CRISP2: variants seen among roughly 807,000 people sequenced by gnomAD.
CRISP2 encodes the protein cysteine-rich secretory protein 2.
Under a neutral mutation model 31.7 loss-of-function variants are expected in CRISP2, and 29 were observed. That is an observed-to-expected ratio of 0.92 (90% CI 0.68 to 1.25). CRISP2 has a LOEUF of 1.25. CRISP2 is among the 50% of genes most tolerant of loss of function. The pLI is 0.00. For synonymous variants in CRISP2, 111 were observed against 101.4 expected, an observed-to-expected ratio of 1.09 and a Z score of -0.57; for missense variants, 318 against 286.5, an observed-to-expected ratio of 1.11 and a Z score of -0.79.
the CRISP2 span, among the ~76,000 whole-genome samples, chr6:49,682,233 A>G: frequency 3.3e-5 from 5 of 152,178 alleles, no homozygotes; most frequent in East Asian, 9.7e-4. Flanking sequence ...CTTACTTCCC[A>G]GGAATCTCAG....
chr6:49,700,704 T>A lies in CRISP2; in HGVS notation c.147A>T (p.Lys49Asn), dbSNP rs763255523. The change falls in exon 5 of 10, where the codon AAA becomes AAT. Residue 49 changes from lysine to asparagine, a missense_variant. By Grantham distance (94) the Lys-to-Asn change is moderately conservative. Coordinates refer to ENST00000339139, the MANE Select transcript of CRISP2 (RefSeq NM_003296.4). ...TGTTACTGGCAGGTGGAGAGACTGC[T>A]TTCCTTAGTTCATTGTGTTTATTTA... is the stretch of plus-strand genomic sequence containing the variant. The part of the protein sequence containing the change: ...EIVNKHNELR[K>N]AVSPPASNML... The A allele has an allele frequency of 2.5e-6, 4 of 1,612,524 alleles. No homozygotes were observed. Among genetic ancestry groups the A allele is most frequent in the Non-Finnish European group, 3.4e-6 (4 of 1,178,960 alleles).
chr6:49,683,796 G>A, the CRISP2 span, among the ~76,000 whole-genome samples: 1 of 139,194 alleles, frequency 7.2e-6, no homozygotes, highest in Non-Finnish European at 1.5e-5. Flanking sequence ...TGAACTAAAG[G>A]TTTTAAATGT....
chr6:49,690,920 T>C (rs541871769), downstream of CRISP2, among the ~76,000 whole-genome samples: 3 of 151,868 alleles, frequency 2.0e-5, no homozygotes, highest in East Asian at 5.8e-4. Context: ...TAACTCTTAA[T>C]TAGCAATTAA....
At chr6:49,684,395 A>G in the CRISP2 span, among the ~76,000 whole-genome samples, 2 of 152,220 alleles carry the variant, frequency 1.3e-5, no homozygotes, top group Admixed American at 6.5e-5. Context: ...TTCAATACAT[A>G]TGCAACCATC....
chr6:49,708,737 C>A lies in CRISP2; in HGVS notation c.66+394G>T, dbSNP rs537553892. ...AGCTTGTGATAATTTGTTGCAACCA[C>A]CCTAAGAACCTAATATATTATTTAA... On this transcript the variant is annotated intron_variant, in intron 4 of 9. Coordinates refer to ENST00000339139, the MANE Select transcript of CRISP2 (RefSeq NM_003296.4). Among the ~76,000 whole-genome samples the A allele has an allele frequency of 4.6e-5, 7 of 152,226 alleles. No individual in the cohort carries two copies. In the South Asian group the frequency reaches 1.2e-3, roughly 27 times the overall value.
chr6:49,698,520 T>C lies in CRISP2; in HGVS notation c.272-13A>G. 6.3e-7 allele frequency: 1 copy of C among 1,595,342 alleles called. No homozygotes were observed. Among genetic ancestry groups the C allele is most frequent in the Non-Finnish European group, 8.5e-7 (1 of 1,174,770 alleles). ...CCACATCTTGTACCTAAGGGGCAGATCATTCATGAGCAAGGTAATAAACAT... is the reference window on the plus strand; with the variant it reads ...CCACATCTTGTACCTAAGGGGCAGACCATTCATGAGCAAGGTAATAAACAT... On this transcript the variant is annotated splice_polypyrimidine_tract_variant and intron_variant, in intron 6 of 9. Transcript: ENST00000339139.
At chr6:49,688,337 TTAAGA>T (rs1763948860), downstream of CRISP2, among the ~76,000 whole-genome samples, 1 of 152,240 alleles carries the variant, frequency 6.6e-6, no homozygotes, top group East Asian at 1.9e-4. Flanking sequence ...CTAGAAGACT[TTAAGA>T]TAAGGATGTT....
the CRISP2 span, among the ~76,000 whole-genome samples, chr6:49,678,873 A>G: frequency 6.6e-6 from 1 of 152,120 alleles, no homozygotes; most frequent in Non-Finnish European, 1.5e-5. Context: ...TGACTCCTCA[A>G]AATGATCGTA....
the CRISP2 span, among the ~76,000 whole-genome samples, chr6:49,677,266 A>G: frequency 2.0e-5 from 3 of 152,130 alleles, no homozygotes; most frequent in Admixed American, 6.6e-5. Context: ...AAGTTTTTAG[A>G]TATTTTTACT....
chr6:49,712,733 AT>A (rs563997998), intron 1 of CRISP2, 129 bp from the exon 2 acceptor site: 29 of 152,274 alleles, frequency 1.9e-4, no homozygotes, highest in Admixed American at 9.8e-4. Flanking sequence ...AATTTACTGT[AT>A]TTATTTGATT....
rs754228213 is a variant in CRISP2, at chr6:49,692,443, T to C, written c.*330A>G. The C allele has an allele frequency of 5.8e-6, 1 of 173,750 alleles. No homozygotes were observed. Among genetic ancestry groups the C allele is most frequent in the Non-Finnish European group, 1.2e-5 (1 of 82,354 alleles). The allele number at this position is 173,750 out of a possible 1,614,324, so 10.8% of individuals were successfully genotyped here. A position where few individuals can be genotyped will look rare whatever the true frequency, so the allele number is the denominator to read the frequency against. On this transcript the variant is annotated 3_prime_UTR_variant, in exon 10 of 10. Transcript: ENST00000339139. ...GCAATGATGTTACAGTCTTCTTCTT[T>C]AGCATGTTTCAGGAAATACGTAATG...
chr6:49,701,998 A>T (rs1218454362), intron 4 of CRISP2, among the ~76,000 whole-genome samples: 43 of 82,444 alleles, frequency 5.2e-4, no homozygotes, highest in African/African-American at 2.3e-3. Flanking sequence ...ATAATATATT[A>T]TATTATACAT....
At chr6:49,703,036 A>G (rs1452287865) in intron 4 of CRISP2, among the ~76,000 whole-genome samples, 1 of 151,996 alleles carries the variant, frequency 6.6e-6, no homozygotes, top group Non-Finnish European at 1.5e-5. Context: ...TTCTACGTGG[A>G]TCTTGCCAAC....
chr6:49,696,123 AC>A (rs1172195677), intron 8 of CRISP2, among the ~76,000 whole-genome samples, 199 bp from the exon 9 acceptor site: 2 of 152,206 alleles, frequency 1.3e-5, no homozygotes, highest in Non-Finnish European at 2.9e-5. Context: ...TATCTTCTTG[AC>A]CATAATTTCA....
Position 49,692,982 on chromosome 6 carries a change from G to C in CRISP2, c.605-82C>G, listed in dbSNP as rs1218154732. ...CATACATTCAAAGTGTGTGGGGAGGGGGTAGGAGGGAACAAACAAGTTAGC... is the reference window on the plus strand; with the variant it reads ...CATACATTCAAAGTGTGTGGGGAGGCGGTAGGAGGGAACAAACAAGTTAGC... On this transcript the variant is annotated intron_variant, in intron 9 of 9. Transcript: ENST00000339139. 4 of 1,467,114 alleles carry C rather than the reference G, an allele frequency of 2.7e-6. No homozygotes were observed. The South Asian group carries it at 4.9e-5, about 18-fold the overall frequency. The allele number at this position is 1,467,114 out of a possible 1,614,324, so 90.9% of individuals were successfully genotyped here. A position where few individuals can be genotyped will look rare whatever the true frequency, so the allele number is the denominator to read the frequency against.
At chr6:49,697,709 T>C (rs767918879) in intron 8 of CRISP2, 151 bp downstream of exon 8, 8 of 1,525,344 alleles carry the variant, frequency 5.2e-6, no homozygotes, top group Non-Finnish European at 6.2e-6. Flanking sequence ...TCTGAGAAGT[T>C]GAAAGTGTCT....
At chr6:49,682,577 CTTTCTTTCTT>C in the CRISP2 span, among the ~76,000 whole-genome samples, 8,244 of 96,620 alleles carry the variant, frequency 0.085, 382 homozygotes, top group East Asian at 0.15. Context: ...CTTTCTTTTT[CTTTCTTTCTT>C]TTTCTTTCTT....
At chr6:49,691,054 T>C (rs1764036345), downstream of CRISP2, among the ~76,000 whole-genome samples, 1 of 152,028 alleles carries the variant, frequency 6.6e-6, no homozygotes, top group Non-Finnish European at 1.5e-5. Context: ...ATAAAGGTTA[T>C]TTTTTAGTCA....
downstream of CRISP2, among the ~76,000 whole-genome samples, chr6:49,691,380 T>A (rs1173586231): frequency 6.6e-6 from 1 of 152,046 alleles, no homozygotes; most frequent in Non-Finnish European, 1.5e-5. Context: ...AAAAATCAAT[T>A]TCCAAAGAAA....
Sources: allele counts gnomAD v4.1 joint callset (sites outside exome capture counted in the v4.1 genomes callset), GRCh38; gene constraint gnomAD v4.1.1; transcripts MANE v1.5; gene names NCBI Gene and HGNC (gene_info 2026-07-23, HGNC 2026-07-21).